SGIP1: variants seen among roughly 807,000 people sequenced by gnomAD.
SGIP1 encodes the protein SH3GL interacting endocytic adaptor 1.
A neutral mutation model predicts 107.5 loss-of-function variants in SGIP1; 38 were observed. The observed-to-expected ratio is 0.35, with a 90% CI of 0.27 to 0.46. SGIP1 has a LOEUF of 0.46. SGIP1 is among the 20% of genes least tolerant of loss of function. The pLI, the probability that SGIP1 is intolerant of heterozygous loss-of-function variation, is 1.00. For synonymous variants in SGIP1, 365 were observed against 366.1 expected, an observed-to-expected ratio of 1.00 and a Z score of 0.03; for missense variants, 929 against 1,019.5, an observed-to-expected ratio of 0.91 and a Z score of 1.21.
At chr1:66,646,846 A>G (rs2077757889) in intron 7 of SGIP1, among the ~76,000 whole-genome samples, 1 of 152,212 alleles carries the variant, frequency 6.6e-6, no homozygotes. Flanking sequence ...ATATAGAAAT[A>G]AAATATAATG....
At chr1:66,572,432 G>C (rs2060506950) in intron 1 of SGIP1, among the ~76,000 whole-genome samples, 2 of 151,976 alleles carry the variant, frequency 1.3e-5, no homozygotes, top group Admixed American at 1.3e-4. Flanking sequence ...TCCCGACCCA[G>C]CAATACCTAA....
intron 9 of SGIP1, among the ~76,000 whole-genome samples, chr1:66,668,883 C>T (rs1482158184): frequency 6.6e-6 from 1 of 152,172 alleles, no homozygotes; most frequent in Non-Finnish European, 1.5e-5. Context: ...AAAATACAGT[C>T]GCTTGACAAA....
At chr1:66,632,316 G>A (rs2074928417) in intron 2 of SGIP1, among the ~76,000 whole-genome samples, 1 of 152,204 alleles carries the variant, frequency 6.6e-6, no homozygotes, top group Non-Finnish European at 1.5e-5. Context: ...TTAGTCATCA[G>A]AAGGAGGCAT....
At chr1:66,701,187 A>ACT (rs1197407481) in intron 18 of SGIP1, among the ~76,000 whole-genome samples, 1 of 152,168 alleles carries the variant, frequency 6.6e-6, no homozygotes, top group African/African-American at 2.4e-5. Context: ...CCACAAAGAT[A>ACT]CTAATTCATT....
chr1:66,695,436 A>T lies in SGIP1; in HGVS notation c.1573A>T (p.Asn525Tyr). Reference sequence around the variant, plus strand: ...CGCTTCAACTCCTGGCCATACAGAGAATGAACAGCCTTCCCTCGTTTGGTT... The same window carrying T: ...CGCTTCAACTCCTGGCCATACAGAGTATGAACAGCCTTCCCTCGTTTGGTT... Reference protein sequence around the residue: ...LSAATTPTVENEQPSLVWFDR... With the variant: ...LSAATTPTVEYEQPSLVWFDR... Residue 525 changes from asparagine (N) to tyrosine (Y), a missense_variant and splice_region_variant, in exon 18 of 25, where the codon AAT (asparagine) becomes TAT (tyrosine). Transcript: ENST00000371037. 1 of 1,614,022 alleles carries T rather than the reference A, an allele frequency of 6.2e-7. No homozygotes were observed. Among genetic ancestry groups the T allele is most frequent in the Non-Finnish European group, 8.5e-7 (1 of 1,179,984 alleles).
In SGIP1 at chr1:66,734,133, A is replaced by G. The variant is rs995850341; in HGVS notation, c.2031+253A>G. Among the ~76,000 whole-genome samples the G allele has an allele frequency of 2.6e-5, 4 of 152,188 alleles. No individual in the cohort carries two copies. The East Asian group carries it at 7.7e-4, about 29-fold the overall frequency. On this transcript the variant is annotated intron_variant, in intron 21 of 24. Transcript: ENST00000371037. Reference sequence around the variant, plus strand: ...AATTAGAGAAATGTGCCACAAAAAAATGAAGTTGCAAAACATTATACTAAT... The same window carrying G: ...AATTAGAGAAATGTGCCACAAAAAAGTGAAGTTGCAAAACATTATACTAAT...
chr1:66,646,156 A>G (rs2077622839), intron 7 of SGIP1, among the ~76,000 whole-genome samples: 1 of 152,136 alleles, frequency 6.6e-6, no homozygotes. Flanking sequence ...CATATATTTT[A>G]TAAATGACAT....
chr1:66,664,047 C>T (rs1337713911), intron 8 of SGIP1, among the ~76,000 whole-genome samples: 1 of 152,144 alleles, frequency 6.6e-6, no homozygotes, highest in Admixed American at 6.5e-5. Flanking sequence ...TTTTAGTCCT[C>T]TAATTGCTAT....
At chr1:66,637,970 G>A (rs940047193) in intron 4 of SGIP1, among the ~76,000 whole-genome samples, 12 of 151,750 alleles carry the variant, frequency 7.9e-5, no homozygotes, top group African/African-American at 2.9e-4. Context: ...GAAGCAAACT[G>A]TAGAACTTTG....
chr1:66,539,187 T>A (rs1009938058), intron 1 of SGIP1, among the ~76,000 whole-genome samples: 14 of 152,202 alleles, frequency 9.2e-5, no homozygotes, highest in African/African-American at 3.1e-4. Context: ...TGGGCTCATG[T>A]GTCTGAGTAA....
At chr1:66,733,557 T>C (rs750139949) in intron 20 of SGIP1, among the ~76,000 whole-genome samples, 191 bp from the exon 21 acceptor site, 10 of 152,204 alleles carry the variant, frequency 6.6e-5, no homozygotes, top group Middle Eastern at 3.2e-3. Context: ...TGGATATTAA[T>C]CTACCAACAC....
intron 20 of SGIP1, among the ~76,000 whole-genome samples, chr1:66,729,736 G>C (rs1397178123): frequency 6.6e-6 from 1 of 152,208 alleles, no homozygotes; most frequent in Non-Finnish European, 1.5e-5. Context: ...ACAGACAGTG[G>C]ATGACAATGG....
chr1:66,557,598 C>T (rs546129939), intron 1 of SGIP1, among the ~76,000 whole-genome samples: 93 of 152,132 alleles, frequency 6.1e-4, no homozygotes, highest in African/African-American at 2.2e-3. Context: ...GTCTGCACAC[C>T]TCTGGCAATG....
At chr1:66,738,225 G>T (rs1419597422) in intron 21 of SGIP1, among the ~76,000 whole-genome samples, 1 of 152,070 alleles carries the variant, frequency 6.6e-6, no homozygotes, top group African/African-American at 2.4e-5. Flanking sequence ...TCCATTTGGG[G>T]GCTTGTTTCT....
In SGIP1 at chr1:66,750,307, G is replaced by A. The variant is rs528881774; in HGVS notation, c.*7212G>A. 1.2e-4 allele frequency among the ~76,000 whole-genome samples: 18 copies of A among 151,994 alleles called. No individual in the cohort carries two copies. The highest frequency in any genetic ancestry group is 3.3e-4 in the Admixed American group (5 of 15,280). ...AAAAGATCATATGAATTAAATACTC[G>A]GATATTAATTTTCATTCTTACTAAG... On this transcript the variant is annotated 3_prime_UTR_variant, in exon 25 of 25. Transcript: ENST00000371037.
At chr1:66,692,027 T>G (rs947331862) in intron 17 of SGIP1, among the ~76,000 whole-genome samples, 1 of 151,860 alleles carries the variant, frequency 6.6e-6, no homozygotes, top group Non-Finnish European at 1.5e-5. Context: ...GGTGTGGTGG[T>G]GGGCGCCTGT....
chr1:66,695,519 T>C, intron 18 of SGIP1, 26 bp downstream of exon 18: 1 of 1,608,084 alleles, frequency 6.2e-7, no homozygotes, highest in Non-Finnish European at 8.5e-7. Context: ...CATACCAGAT[T>C]CTAATTTATA....
chr1:66,692,817 A>T (rs1404053042), intron 17 of SGIP1, among the ~76,000 whole-genome samples: 2 of 151,530 alleles, frequency 1.3e-5, no homozygotes, highest in South Asian at 2.1e-4. Flanking sequence ...CAATTCATAT[A>T]AGAAGATGCC....
chr1:66,690,973 G>T (rs2089703084), intron 17 of SGIP1, among the ~76,000 whole-genome samples: 1 of 152,154 alleles, frequency 6.6e-6, no homozygotes, highest in Non-Finnish European at 1.5e-5. Flanking sequence ...GTTTTCCAAG[G>T]TTTCAATGCT....
Sources: gnomAD v4.1 joint callset for allele counts (sites outside exome capture counted in the v4.1 genomes callset) on GRCh38, gnomAD v4.1.1 for gene constraint, MANE v1.5 for transcripts, NCBI Gene and HGNC (gene_info 2026-07-23, HGNC 2026-07-21) for gene names.